Variants in SRRM2 observed in about 807,000 individuals in gnomAD.
The protein encoded by SRRM2 is serine/arginine repetitive matrix 2, also known as serine/arginine repetitive matrix protein 2.
In SRRM2, 30 loss-of-function variants were observed where a neutral mutation model predicts 213.8. That is an observed-to-expected ratio of 0.14 (90% CI 0.10 to 0.19). SRRM2 has a LOEUF of 0.19. Among genes scored for constraint, SRRM2 ranks in the 10% least tolerant of loss-of-function variants. The pLI is 1.00. For synonymous variants in SRRM2, 2,025 were observed against 1,377.7 expected, an observed-to-expected ratio of 1.47 and a Z score of -10.40; for missense variants, 4,904 against 3,647.0, an observed-to-expected ratio of 1.34 and a Z score of -8.88.
rs748338421 is a variant in SRRM2 at position 2,766,495 on chromosome 16, C to G, written c.5967C>G (p.Val1989=). 2 of 1,614,020 alleles carry G rather than the reference C, an allele frequency of 1.2e-6. No homozygotes were observed. The highest frequency in any genetic ancestry group is 2.2e-5 in the East Asian group (1 of 44,872). The change falls in exon 11 of 15, where the codon GTC becomes GTG. Residue 1989 remains valine (V), a synonymous_variant. Coordinates refer to ENST00000301740, the MANE Select transcript of SRRM2 (RefSeq NM_016333.4). The surrounding 1 kb of genome is among the most constrained non-coding windows in gnomAD (Gnocchi z 7.0). ...RRRSRSRTSP[V]TRRRSRSRTS... The stretch of plus-strand genomic sequence containing the variant: ...GATCAAGATCCAGAACATCTCCGGT[C>G]ACCCGAAGGAGATCTCGATCTCGCA...
rs751951626 is a variant in SRRM2, at chr16:2,765,222, C to T, written c.4694C>T (p.Ser1565Phe). 2 of 1,614,140 alleles carry T rather than the reference C, an allele frequency of 1.2e-6. No homozygotes were observed. The highest frequency in any genetic ancestry group is 1.1e-5 in the South Asian group (1 of 91,080). The change falls in exon 11 of 15, where the codon TCT (serine) becomes TTT (phenylalanine). Residue 1565 changes from serine (S) to phenylalanine (F), a missense_variant. Ser to Phe is a radical substitution (Grantham distance 155, BLOSUM62 -2). Coordinates refer to ENST00000301740, the MANE Select transcript of SRRM2 (RefSeq NM_016333.4). ...ERSESDSSPDSKAKTRTPLRQ... is the reference protein window; with the variant it reads ...ERSESDSSPDFKAKTRTPLRQ... Reference sequence around the variant, plus strand: ...AGTGAGTCAGACTCTTCTCCAGATTCTAAAGCCAAGACAAGAACCCCACTT... The same window carrying T: ...AGTGAGTCAGACTCTTCTCCAGATTTTAAAGCCAAGACAAGAACCCCACTT...
intron 9 of SRRM2, 150 bp downstream of exon 9, chr16:2,759,811 A>G (rs1348870801): frequency 1.7e-5 from 11 of 644,868 alleles, no homozygotes; most frequent in Middle Eastern, 4.2e-4. Context: ...CTAAAGCAAC[A>G]GGATGGACAG....
chr16:2,753,067 C>T (rs1028056034), intron 1 of SRRM2, among the ~76,000 whole-genome samples: 1 of 148,274 alleles, frequency 6.7e-6, no homozygotes, highest in African/African-American at 2.5e-5. Flanking sequence ...ATGACAACGG[C>T]GTTCGCAGCC....
chr16:2,765,096 T>A lies in SRRM2; in HGVS notation c.4568T>A (p.Val1523Asp). ...GAAAGAAGCGGGTCAGAATCATCAGTTGATCAGAAAACTGTGGCTCGGACT... is the reference window on the plus strand; with the variant it reads ...GAAAGAAGCGGGTCAGAATCATCAGATGATCAGAAAACTGTGGCTCGGACT... ...QRERSGSESS[V>D]DQKTVARTPL... The change falls in exon 11 of 15, where the codon GTT becomes GAT. Residue 1523 changes from valine to aspartate, a missense_variant. By Grantham distance (152) the Val-to-Asp change is radical. Transcript: ENST00000301740. 6.2e-7 allele frequency: 1 copy of A among 1,614,106 alleles called. No homozygotes were observed. Among genetic ancestry groups the A allele is most frequent in the Non-Finnish European group, 8.5e-7 (1 of 1,180,018 alleles).
Position 2,752,811 on chromosome 16 carries a change from CCT to C in SRRM2, c.-63_-62del. 1 of 323,456 alleles carries C rather than the reference CCT, an allele frequency of 3.1e-6. No homozygotes were observed. The highest frequency in any genetic ancestry group is 2.1e-5 in the South Asian group (1 of 47,586). 20.0% of individuals were successfully genotyped at this position (323,456 alleles called of 1,614,324 possible). On this transcript the variant is annotated 5_prime_UTR_variant, in exon 1 of 15. Transcript: ENST00000301740. The stretch of plus-strand genomic sequence containing the variant: ...AGCTCGAGCAGCGGCGGCGGCAAGA[CCT>C]CTCCCCCTCGGAGGCGGCGGGCGGA...
intron 10 of SRRM2, 91 bp downstream of exon 10, chr16:2,760,590 T>C: frequency 7.1e-7 from 1 of 1,403,058 alleles, no homozygotes; most frequent in Non-Finnish European, 9.7e-7. Flanking sequence ...AATAACTTAT[T>C]AAAATAAATA....
rs750493424 is a variant in SRRM2, at chr16:2,769,183, TTCC to T, written c.7929_7931del (p.Ser2648del). 65 of 1,611,150 alleles carry T rather than the reference TTCC, an allele frequency of 4.0e-5. No individual in the cohort carries two copies. Among genetic ancestry groups the T allele is most frequent in the African/African-American group, 1.1e-4 (8 of 74,946 alleles). On this transcript the variant is annotated inframe_deletion, in exon 12 of 15. Transcript: ENST00000301740. ...CCTCTTCTTCTTCTTCCTCCTCATC[TTCC>T]TCCTCCTCGTCGTCTTCCTCCCCTT...
Position 2,760,479 on chromosome 16 carries a change from A to C in SRRM2, c.1012A>C (p.Lys338Gln). Residue 338 changes from lysine to glutamine, a missense_variant, in exon 10 of 15, where the codon AAA becomes CAA. Physicochemically the swap from Lys to Gln is moderately conservative, Grantham distance 53. Coordinates refer to ENST00000301740, the MANE Select transcript of SRRM2 (RefSeq NM_016333.4). ...TKQPSSPYED[K>Q]DKDKKEKSAT... Reference sequence around the variant, plus strand: ...ACAGCCTAGCAGCCCTTATGAAGACAAAGATAAAGACAAGAAGGAGGTATG... The same window carrying C: ...ACAGCCTAGCAGCCCTTATGAAGACCAAGATAAAGACAAGAAGGAGGTATG... 2 of 1,614,146 alleles carry C rather than the reference A, an allele frequency of 1.2e-6. No homozygotes were observed. The highest frequency in any genetic ancestry group is 1.7e-6 in the Non-Finnish European group (2 of 1,179,992).
rs1385657718 is a variant in SRRM2, at chr16:2,767,559, C to T, written c.7031C>T (p.Ala2344Val). The T allele has an allele frequency of 6.2e-7, 1 of 1,614,238 alleles. No individual in the cohort carries two copies. Among genetic ancestry groups the T allele is most frequent in the South Asian group, 1.1e-5 (1 of 91,088 alleles). The change falls in exon 11 of 15, where the codon GCA becomes GTA. Residue 2344 changes from alanine (A) to valine (V), a missense_variant. By Grantham distance (64) the Ala-to-Val change is moderately conservative. Coordinates refer to ENST00000301740, the MANE Select transcript of SRRM2 (RefSeq NM_016333.4). Reference protein sequence around the residue: ...ASANLVGPRSAHATAPVNIAG... With the variant: ...ASANLVGPRSVHATAPVNIAG... ...GCAAACCTGGTGGGTCCTCGGTCTG[C>T]ACATGCCACAGCTCCTGTGAATATT...
In SRRM2 at chr16:2,770,881, G is replaced by A. The variant is rs1050134; in HGVS notation, c.*14G>A. 1 of 1,613,452 alleles carries A rather than the reference G, an allele frequency of 6.2e-7. No individual in the cohort carries two copies. The highest frequency in any genetic ancestry group is 8.5e-7 in the Non-Finnish European group (1 of 1,179,818). On this transcript the variant is annotated 3_prime_UTR_variant, in exon 15 of 15. Coordinates refer to ENST00000301740, the MANE Select transcript of SRRM2 (RefSeq NM_016333.4). ...AGGTCTCCATAAATTGTCTTTGGGG[G>A]ATTCCACCACACCCAATGCTCTGGA...
chr16:2,759,604 G>A lies in SRRM2; in HGVS notation c.776G>A (p.Arg259Gln), dbSNP rs374463465. Residue 259 changes from arginine to glutamine, a missense_variant, in exon 9 of 15, where the codon CGG (arginine) becomes CAG (glutamine). Physicochemically the swap from Arg to Gln is conservative, Grantham distance 43. Coordinates refer to ENST00000301740, the MANE Select transcript of SRRM2 (RefSeq NM_016333.4). ...ACAACACCAGCCCCCAAGAGCCGCC[G>A]GGCCCACCGTTCAACTTCTGCTGAC... ...RSTTPAPKSR[R>Q]AHRSTSADSA... 60 of 1,614,014 alleles carry A rather than the reference G, an allele frequency of 3.7e-5. No homozygotes were observed. Among genetic ancestry groups the A allele is most frequent in the Non-Finnish European group, 4.8e-5 (57 of 1,180,036 alleles).
At position 2,767,417 on chromosome 16, in the gene SRRM2, C is replaced by G. The variant is rs943895696; in HGVS notation, c.6889C>G (p.Leu2297Val). Residue 2297 changes from leucine to valine, a missense_variant, in exon 11 of 15, where the codon CTA (leucine) becomes GTA (valine). Transcript: ENST00000301740. Reference protein sequence around the residue: ...PRTPTAPAVNLAGARTPAALA... With the variant: ...PRTPTAPAVNVAGARTPAALA... ...CACTCCCACAGCCCCAGCTGTGAACCTAGCAGGGGCCAGAACCCCAGCTGC... is the reference window on the plus strand; with the variant it reads ...CACTCCCACAGCCCCAGCTGTGAACGTAGCAGGGGCCAGAACCCCAGCTGC... 1 of 1,614,056 alleles carries G rather than the reference C, an allele frequency of 6.2e-7. No individual in the cohort carries two copies. The highest frequency in any genetic ancestry group is 8.5e-7 in the Non-Finnish European group (1 of 1,179,998).
rs138286601 is a variant in SRRM2, at chr16:2,764,280, A to G, written c.3752A>G (p.Gln1251Arg). The change falls in exon 11 of 15, where the codon CAA becomes CGA. Residue 1251 changes from glutamine to arginine, a missense_variant. Transcript: ENST00000301740. ...GAGAAGTCTGAAGAACCCGCAGGCC[A>G]AATCCTGTCTCATTTGTCTTCAGAA... ...VVEKSEEPAG[Q>R]ILSHLSSELK... The G allele has an allele frequency of 6.8e-4, 1,103 of 1,614,106 alleles. 2 individuals carry two copies. Among genetic ancestry groups the G allele is most frequent in the Non-Finnish European group, 7.7e-4 (909 of 1,180,016 alleles).
In SRRM2 at chr16:2,765,873, CAAG is replaced by C. The variant is rs753448829; in HGVS notation, c.5348_5350del (p.Arg1783del). On this transcript the variant is annotated inframe_deletion, in exon 11 of 15. Transcript: ENST00000301740. ...CGTTCCCGCTCAAGGAGAGAGAAAA[CAAG>C]AACAACCCGACGTCGAGATAGGTCT... 59 of 1,614,038 alleles carry C rather than the reference CAAG, an allele frequency of 3.7e-5. No homozygotes were observed. Among genetic ancestry groups the C allele is most frequent in the Middle Eastern group, 1.6e-4 (1 of 6,084 alleles).
chr16:2,755,453 G>T (rs979996205), intron 1 of SRRM2, among the ~76,000 whole-genome samples: 1 of 152,204 alleles, frequency 6.6e-6, no homozygotes, highest in Non-Finnish European at 1.5e-5. Flanking sequence ...TATGGGAACG[G>T]TTGGAACAGA....
rs1305905452 is a variant in SRRM2, at chr16:2,759,591, C to G, written c.763C>G (p.Pro255Ala). The change falls in exon 9 of 15, where the codon CCC becomes GCC. Residue 255 changes from proline (P) to alanine (A), a missense_variant. By Grantham distance (27) the Pro-to-Ala change is conservative. Transcript: ENST00000301740. The part of the protein sequence containing the change: ...RKRSRSTTPA[P>A]KSRRAHRSTS... Reference sequence around the variant, plus strand: ...CAGGTCTCGAAGTACAACACCAGCCCCCAAGAGCCGCCGGGCCCACCGTTC... The same window carrying G: ...CAGGTCTCGAAGTACAACACCAGCCGCCAAGAGCCGCCGGGCCCACCGTTC... 1.2e-6 allele frequency: 2 copies of G among 1,614,084 alleles called. No homozygotes were observed. Among genetic ancestry groups the G allele is most frequent in the East Asian group, 4.5e-5 (2 of 44,868 alleles).
At chr16:2,754,072 G>A (rs2068049312) in intron 1 of SRRM2, among the ~76,000 whole-genome samples, 1 of 151,996 alleles carries the variant, frequency 6.6e-6, no homozygotes, top group African/African-American at 2.4e-5. Flanking sequence ...GGTAACTTTT[G>A]CATATCCACT....
intron 7 of SRRM2, 48 bp downstream of exon 7, chr16:2,759,220 G>A (rs113301435): frequency 1.2e-6 from 2 of 1,606,790 alleles, no homozygotes; most frequent in South Asian, 1.1e-5. Context: ...GTGGAGTGGT[G>A]ATTTTTTTTT....
At position 2,765,086 on chromosome 16, in the gene SRRM2, G is replaced by C; in HGVS notation, c.4558G>C (p.Glu1520Gln). The C allele has an allele frequency of 6.2e-7, 1 of 1,614,210 alleles. No homozygotes were observed. The highest frequency in any genetic ancestry group is 1.3e-5 in the African/African-American group (1 of 75,064). ...LTPQRERSGS[E>Q]SSVDQKTVAR... ...CCCCCAGAGAGAAAGAAGCGGGTCA[G>C]AATCATCAGTTGATCAGAAAACTGT... The change falls in exon 11 of 15, where the codon GAA becomes CAA. Residue 1520 changes from glutamate (E) to glutamine (Q), a missense_variant. Transcript: ENST00000301740.
Sources: gnomAD v4.1 joint callset for allele counts (sites outside exome capture counted in the v4.1 genomes callset) on GRCh38, gnomAD v4.1.1 for gene constraint, Gnocchi (gnomAD v3.1) non-coding constraint, MANE v1.5 for transcripts, NCBI Gene and HGNC (gene_info 2026-07-23, HGNC 2026-07-21) for gene names.